Variants in FLI1 observed in about 807,000 individuals in gnomAD.
FLI1 encodes Friend leukemia integration 1 transcription factor.
In FLI1, 13 loss-of-function variants were observed where a neutral mutation model predicts 53.1. That is an observed-to-expected ratio of 0.24 (90% CI 0.16 to 0.39). The LOEUF is 0.39. Ranked by LOEUF, FLI1 falls within the 10% of genes least tolerant of loss-of-function variation. The pLI is 1.00. For synonymous variants in FLI1, 244 were observed against 236.7 expected (o/e 1.03, Z -0.28); for missense variants, 424 against 600.5 (o/e 0.71, Z 3.07).
intron 1 of FLI1, among the ~76,000 whole-genome samples, chr11:128,757,771 C>A (rs1019230833): frequency 6.6e-6 from 1 of 152,186 alleles, no homozygotes; most frequent in African/African-American, 2.4e-5. Flanking sequence ...ATTCACACAC[C>A]ACCACAATAC....
chr11:128,746,065 G>A (rs1358645423), intron 1 of FLI1, among the ~76,000 whole-genome samples: 2 of 152,208 alleles, frequency 1.3e-5, no homozygotes, highest in South Asian at 2.1e-4. Flanking sequence ...AAGCCTTGGG[G>A]GAAGGCTTCA....
intron 5 of FLI1, among the ~76,000 whole-genome samples, chr11:128,795,756 TAGTC>T (rs1224842333): frequency 1.3e-5 from 2 of 152,106 alleles, no homozygotes; most frequent in African/African-American, 4.8e-5. Flanking sequence ...TTCACCATGT[TAGTC>T]AGGATGGTCT....
upstream of FLI1, among the ~76,000 whole-genome samples, chr11:128,691,338 C>T (rs1260951961): frequency 1.8e-4 from 28 of 152,240 alleles, no homozygotes; most frequent in Non-Finnish European, 8.8e-5. Flanking sequence ...ACCATCAAAC[C>T]CTGAGTTACA....
intron 2 of FLI1, chr11:128,764,864 G>A (rs753710444): frequency 2.1e-5 from 33 of 1,578,380 alleles, no homozygotes; most frequent in Non-Finnish European, 2.3e-5. Flanking sequence ...TGGGAGGAGG[G>A]CCAGCTGGGC....
At chr11:128,741,624 T>C (rs984306280) in intron 1 of FLI1, among the ~76,000 whole-genome samples, 3 of 152,188 alleles carry the variant, frequency 2.0e-5, no homozygotes, top group Non-Finnish European at 4.4e-5. Context: ...CTTCTTGCTG[T>C]GTGATCTGCA....
upstream of FLI1, chr11:128,686,280 G>A (rs562218445): frequency 6.6e-6 from 3 of 454,348 alleles, no homozygotes; most frequent in Middle Eastern, 3.3e-4. Context: ...AGAACATCCT[G>A]GTTTCCAGAA....
upstream of FLI1, chr11:128,686,337 G>A (rs1865802244): frequency 2.2e-6 from 1 of 456,318 alleles, no homozygotes; most frequent in Non-Finnish European, 4.4e-6. Context: ...CCCTGGGGGA[G>A]GCGGCAGTCT....
At chr11:128,766,287 G>GCCTCC (rs1313926377) in intron 2 of FLI1, among the ~76,000 whole-genome samples, 54 of 152,298 alleles carry the variant, frequency 3.5e-4, no homozygotes, top group African/African-American at 1.2e-3. Context: ...ATGTGCTACT[G>GCCTCC]CCTCCCCTCC....
At chr11:128,766,348 G>T (rs2135828138) in intron 2 of FLI1, among the ~76,000 whole-genome samples, 1 of 152,296 alleles carries the variant, frequency 6.6e-6, no homozygotes, top group Non-Finnish European at 1.5e-5. Context: ...GACTCTGACG[G>T]CTGGTTTTTG....
At chr11:128,736,069 G>T (rs1041961686) in intron 1 of FLI1, among the ~76,000 whole-genome samples, 1 of 152,156 alleles carries the variant, frequency 6.6e-6, no homozygotes, top group South Asian at 2.1e-4. Context: ...TATCCATCTA[G>T]CGTAACACTG....
chr11:128,700,346 T>C (rs549240420), intron 1 of FLI1, among the ~76,000 whole-genome samples: 1 of 152,340 alleles, frequency 6.6e-6, no homozygotes, highest in East Asian at 1.9e-4. Context: ...TCAAGCCCAG[T>C]GTTTCTCATT....
chr11:128,694,058 A>G (rs1937901111), upstream of FLI1: 1 of 441,036 alleles, frequency 2.3e-6, no homozygotes. Context: ...AAAAAGTTTC[A>G]TCCGGTTAAC....
exon 1 of FLI1, chr11:128,686,649 C>T (rs1252664957): frequency 2.8e-6 from 1 of 361,272 alleles, no homozygotes; most frequent in Non-Finnish European, 5.5e-6. Flanking sequence ...GTTCCCGACC[C>T]TTAGCTACCC....
chr11:128,752,711 A>ATTTCAGAG (rs1940701429), intron 1 of FLI1, among the ~76,000 whole-genome samples: 2 of 152,252 alleles, frequency 1.3e-5, no homozygotes, highest in African/African-American at 4.8e-5. Flanking sequence ...CTGAAAAAAT[A>ATTTCAGAG]GAATACATCC....
intron 1 of FLI1, among the ~76,000 whole-genome samples, chr11:128,742,478 G>T (rs1413344815): frequency 1.3e-5 from 2 of 152,218 alleles, no homozygotes; most frequent in African/African-American, 4.8e-5. Context: ...GGAGCACATA[G>T]TCTGGTCACC....
chr11:128,741,666 T>C (rs561635523), intron 1 of FLI1, among the ~76,000 whole-genome samples: 1 of 152,352 alleles, frequency 6.6e-6, no homozygotes, highest in South Asian at 2.1e-4. Flanking sequence ...TCTGAGGTCC[T>C]GGCTGGCTCT....
chr11:128,796,701 G>A (rs3781722), intron 5 of FLI1, among the ~76,000 whole-genome samples: 15,394 of 152,252 alleles, frequency 0.1, 930 homozygotes, highest in East Asian at 0.26. Context: ...TTGGCCGGGC[G>A]TGGTGGCTCA....
At chr11:128,809,722 A>G (rs1565512353) in intron 8 of FLI1, among the ~76,000 whole-genome samples, 1 of 152,172 alleles carries the variant, frequency 6.6e-6, no homozygotes. Context: ...AACTCTCAAG[A>G]GGGTCCTTCT....
intron 1 of FLI1, among the ~76,000 whole-genome samples, chr11:128,744,700 T>C (rs1288073496): frequency 6.6e-6 from 1 of 152,208 alleles, no homozygotes; most frequent in Non-Finnish European, 1.5e-5. Flanking sequence ...GGTGCTGTCA[T>C]TGTGCCCATT....
Sources: allele counts gnomAD v4.1 joint callset (sites outside exome capture counted in the v4.1 genomes callset), GRCh38; gene constraint gnomAD v4.1.1; transcripts MANE v1.5; gene names NCBI Gene and HGNC (gene_info 2026-07-23, HGNC 2026-07-21).